The following TRIM63 variants were observed in gnomAD, a reference collection of about 807,000 sequenced individuals.
TRIM63 encodes the protein E3 ubiquitin-protein ligase TRIM63.
TRIM63 carries 48 observed loss-of-function variants against 46.0 expected under a neutral mutation model. The ratio of observed to expected loss-of-function variants is 1.04; its 90% CI spans 0.83 to 1.33. The LOEUF is 1.33. Among genes scored for constraint, TRIM63 ranks in the 40% most tolerant of loss-of-function variants. The pLI is 0.00. For missense variants in TRIM63, 455 were observed against 441.2 expected, an observed-to-expected ratio of 1.03 and a Z score of -0.28; for synonymous variants, 175 against 162.8, an observed-to-expected ratio of 1.08 and a Z score of -0.57.
Position 26,051,817 on chromosome 1 carries a change from C to T in TRIM63, c.*56G>A. ...GGCCTGTCACCAAGGCCGCTGGGCC[C>T]CTCCCCACCCTCTCCAGTCTCTCTG... On this transcript the variant is annotated 3_prime_UTR_variant, in exon 9 of 9. Coordinates refer to ENST00000374272, the MANE Select transcript of TRIM63 (RefSeq NM_032588.4). The T allele has an allele frequency of 1.5e-6, 2 of 1,328,452 alleles. No individual in the cohort carries two copies. The highest frequency in any genetic ancestry group is 1.9e-6 in the Non-Finnish European group (2 of 1,029,050). The allele number at this position is 1,328,452 out of a possible 1,614,324, so 82.3% of individuals were successfully genotyped here.
chr1:26,060,922 G>T (rs2050618103), intron 3 of TRIM63, among the ~76,000 whole-genome samples: 1 of 152,158 alleles, frequency 6.6e-6, no homozygotes, highest in Admixed American at 6.5e-5. Flanking sequence ...CCTGGCTGGG[G>T]CGTCTGACCG....
intron 4 of TRIM63, among the ~76,000 whole-genome samples, 160 bp downstream of exon 4, chr1:26,060,106 G>A (rs2050608993): frequency 6.6e-6 from 1 of 152,116 alleles, no homozygotes; most frequent in Non-Finnish European, 1.5e-5. Context: ...TTTGTTGAGA[G>A]ACTGGATGAA....
rs371389283 is a variant in TRIM63 at position 26,051,694 on chromosome 1, G to A, written c.*179C>T. 1.4e-5 allele frequency: 6 copies of A among 422,056 alleles called. No homozygotes were observed. The East Asian group carries it at 1.4e-4, about 10-fold the overall frequency. The allele number at this position is 422,056 out of a possible 1,614,324, so 26.1% of individuals were successfully genotyped here. ...AATTCTGGTTCAGTGTCTGCTGGAC[G>A]CAGCGGTGAGGGTCCTACCCTAGTC... On this transcript the variant is annotated 3_prime_UTR_variant, in exon 9 of 9. Transcript: ENST00000374272.
Position 26,062,505 on chromosome 1 carries a change from T to C in TRIM63, c.333-1171A>G, listed in dbSNP as rs142242386. On this transcript the variant is annotated intron_variant, in intron 2 of 8. Transcript: ENST00000374272. ...CCTCTCTGAGCCATGAGGTTGCCCC[T>C]GAGGCTCAGAGAAGGAGCAGTGTGT... Among the ~76,000 whole-genome samples the C allele has an allele frequency of 3.7e-3, 568 of 152,276 alleles. 4 individuals are homozygous for C. Among genetic ancestry groups the C allele is most frequent in the African/African-American group, 0.013 (547 of 41,560 alleles).
chr1:26,067,203 G>A, intron 1 of TRIM63, 133 bp downstream of exon 1: 1 of 1,132,742 alleles, frequency 8.8e-7, no homozygotes, highest in East Asian at 2.6e-5. Context: ...GCCCTGTCCA[G>A]AGGCCTCTGC....
rs764169375 is a variant in TRIM63 at position 26,061,335 on chromosome 1, C to G, written c.333-1G>C. 1.4e-5 allele frequency: 23 copies of G among 1,613,770 alleles called. No individual in the cohort carries two copies. Among genetic ancestry groups the G allele is most frequent in the East Asian group, 2.2e-5 (1 of 44,884 alleles). On this transcript the variant is annotated splice_acceptor_variant, in intron 2 of 8. Transcript: ENST00000374272. LOFTEE classifies it high-confidence loss of function. ...GTGACTGCCCTTCTGCAGCGGCCGA[C>G]TGCAGTGGAGAACAGTCACAAGTCA...
At chr1:26,067,229 A>C in intron 1 of TRIM63, 107 bp downstream of exon 1, 1 of 1,410,392 alleles carries the variant, frequency 7.1e-7, no homozygotes, top group Admixed American at 2.1e-5. Context: ...TTCACTTCCA[A>C]GGGGAAAGAG....
rs1453674912 is a variant in TRIM63 at position 26,067,262 on chromosome 1, G to A, written c.159+74C>T. 1.9e-6 allele frequency: 3 copies of A among 1,559,880 alleles called. No individual in the cohort carries two copies. In the East Asian group the frequency reaches 6.9e-5, roughly 36 times the overall value. On this transcript the variant is annotated intron_variant, in intron 1 of 8. Coordinates refer to ENST00000374272, the MANE Select transcript of TRIM63 (RefSeq NM_032588.4). ...GAGGCTGTCCAGGTTGGAAGTCTAAGGGAGAAGGGTTTCATCACAGGGAAG... is the reference window on the plus strand; with the variant it reads ...GAGGCTGTCCAGGTTGGAAGTCTAAAGGAGAAGGGTTTCATCACAGGGAAG...
intron 2 of TRIM63, among the ~76,000 whole-genome samples, 196 bp from the exon 3 acceptor site, chr1:26,061,530 T>G (rs963878506): frequency 1.3e-5 from 2 of 152,184 alleles, no homozygotes; most frequent in African/African-American, 2.4e-5. Flanking sequence ...CCCTAAAATC[T>G]TTCATCTTCT....
chr1:26,054,699 G>A (rs751491849), intron 7 of TRIM63, among the ~76,000 whole-genome samples: 2 of 152,120 alleles, frequency 1.3e-5, no homozygotes, highest in Non-Finnish European at 2.9e-5. Context: ...AGGCTTGGTC[G>A]CTCACACCTG....
intron 2 of TRIM63, among the ~76,000 whole-genome samples, chr1:26,064,202 G>A (rs1393132404): frequency 6.6e-6 from 1 of 152,068 alleles, no homozygotes; most frequent in Non-Finnish European, 1.5e-5. Context: ...AGGCTGAGGC[G>A]GGCAGATCAC....
chr1:26,055,091 T>G (rs1192062837), intron 7 of TRIM63, among the ~76,000 whole-genome samples: 1 of 152,196 alleles, frequency 6.6e-6, no homozygotes, highest in Non-Finnish European at 1.5e-5. Flanking sequence ...CTACATTTAA[T>G]AGCAGTTGCT....
In TRIM63 at chr1:26,066,254, G is replaced by A. The variant is rs747104229; in HGVS notation, c.332+14C>T. On this transcript the variant is annotated intron_variant, in intron 2 of 8. Coordinates refer to ENST00000374272, the MANE Select transcript of TRIM63 (RefSeq NM_032588.4). ...GGGAAGGAGGGCGGGCCCCCAGCAG[G>A]CACGAGAACCGACCTGGAGCACTCC... 7 of 1,613,734 alleles carry A rather than the reference G, an allele frequency of 4.3e-6. No individual in the cohort carries two copies. In the East Asian group the frequency reaches 1.1e-4, roughly 26 times the overall value.
chr1:26,061,119 G>A lies in TRIM63; in HGVS notation c.501+47C>T, dbSNP rs144474205. On this transcript the variant is annotated intron_variant, in intron 3 of 8. Transcript: ENST00000374272. ...AATCTGCCTCCTGAATCATCAGGCC[G>A]TGCCCAGCAGGCCCAGGCTGGGGGT... 1.7e-4 allele frequency: 275 copies of A among 1,589,950 alleles called. No individual in the cohort carries two copies. In the African/African-American group the frequency reaches 2.9e-3, roughly 17 times the overall value.
intron 2 of TRIM63, among the ~76,000 whole-genome samples, chr1:26,065,213 G>A (rs1462619218): frequency 2.0e-5 from 3 of 152,032 alleles, no homozygotes; most frequent in Non-Finnish European, 2.9e-5. Flanking sequence ...TAGTAGAGAC[G>A]GGGTTTCACC....
intron 6 of TRIM63, 55 bp from the exon 7 acceptor site, chr1:26,057,382 G>T (rs2050582916): frequency 1.3e-6 from 2 of 1,598,794 alleles, no homozygotes; most frequent in Non-Finnish European, 1.7e-6. Flanking sequence ...TCAGTGCAGG[G>T]AAGAGAGGGC....
intron 2 of TRIM63, among the ~76,000 whole-genome samples, chr1:26,062,041 G>A (rs1286782950): frequency 6.6e-6 from 1 of 152,152 alleles, no homozygotes; most frequent in Non-Finnish European, 1.5e-5. Context: ...GCCGAGGTGG[G>A]AGAGTCACCT....
chr1:26,059,761 A>G (rs770943747), intron 4 of TRIM63, among the ~76,000 whole-genome samples: 4 of 152,142 alleles, frequency 2.6e-5, no homozygotes, highest in Non-Finnish European at 5.9e-5. Flanking sequence ...TGCCCTCAAC[A>G]GTCTCACTAC....
Position 26,067,618 on chromosome 1 carries a change from G to A in TRIM63, c.-124C>T, listed in dbSNP as rs1569752727. 1 of 1,081,582 alleles carries A rather than the reference G, an allele frequency of 9.2e-7. No individual in the cohort carries two copies. The highest frequency in any genetic ancestry group is 2.6e-5 in the East Asian group (1 of 38,696). 67.0% of individuals were successfully genotyped at this position (1,081,582 alleles called of 1,614,324 possible). A position where few individuals can be genotyped will look rare whatever the true frequency, so the allele number is the denominator to read the frequency against. On this transcript the variant is annotated 5_prime_UTR_variant, in exon 1 of 9. Coordinates refer to ENST00000374272, the MANE Select transcript of TRIM63 (RefSeq NM_032588.4). ...GGATCCTGTTGGCTTCCTTCTCCTG[G>A]TGCCCGAATTCTGTCTTGGTCTGAG...
Sources: allele counts gnomAD v4.1 joint callset (sites outside exome capture counted in the v4.1 genomes callset), GRCh38; gene constraint gnomAD v4.1.1; transcripts MANE v1.5; gene names NCBI Gene and HGNC (gene_info 2026-07-23, HGNC 2026-07-21).